Variants in IL36A observed in about 807,000 individuals in gnomAD.
IL36A encodes interleukin-36 alpha.
Under a neutral mutation model 12.7 loss-of-function variants are expected in IL36A, and 13 were observed. The ratio of observed to expected loss-of-function variants is 1.02; its 90% CI spans 0.67 to 1.63. The LOEUF (loss-of-function observed/expected upper bound fraction) is 1.63, where lower values mean the gene tolerates loss of function less well. Among genes scored for constraint, IL36A ranks in the 40% most tolerant of loss-of-function variants. The pLI, the probability that IL36A is intolerant of heterozygous loss-of-function variation, is 0.00. For missense variants in IL36A, 195 were observed against 192.9 expected (o/e 1.01, Z -0.07); for synonymous variants, 73 against 71.9 (o/e 1.01, Z -0.08).
At position 113,005,886 on chromosome 2, in the gene IL36A, A is replaced by C. The variant is rs2305152; in HGVS notation, c.10+5A>C. The C allele has an allele frequency of 0.33, 531,608 of 1,613,168 alleles. 92,918 individuals carry two copies. Among genetic ancestry groups the C allele is most frequent in the Admixed American group, 0.48 (28,907 of 59,990 alleles). On this transcript the variant is annotated splice_donor_5th_base_variant and intron_variant, in intron 1 of 3. Transcript: ENST00000259211. ...ACACCACCACAATGGAAAAAGGTAA[A>C]GATCCTCGTGGAAGGGCGAAAAATT...
Position 113,006,748 on chromosome 2 carries a change from A to T in IL36A, c.264+11A>T, listed in dbSNP as rs1573354699. The stretch of plus-strand genomic sequence containing the variant: ...ACACTGCAGCTGAAGGTGAGTGTGG[A>T]AGACAGGTCCTGCCATTTATTTGAT... On this transcript the variant is annotated intron_variant, in intron 3 of 3. Coordinates refer to ENST00000259211, the MANE Select transcript of IL36A (RefSeq NM_014440.3). 6.2e-7 allele frequency: 1 copy of T among 1,613,192 alleles called. No homozygotes were observed. The highest frequency in any genetic ancestry group is 8.5e-7 in the Non-Finnish European group (1 of 1,179,644).
chr2:113,010,454 G>T (rs1025358531), downstream of IL36A, among the ~76,000 whole-genome samples: 1 of 152,162 alleles, frequency 6.6e-6, no homozygotes, highest in Non-Finnish European at 1.5e-5. Flanking sequence ...AGAGTGAAAG[G>T]GGTCTATGAA....
chr2:113,009,660 T>TGGG (rs552749185), downstream of IL36A, among the ~76,000 whole-genome samples: 17 of 152,328 alleles, frequency 1.1e-4, no homozygotes, highest in South Asian at 3.3e-3. Context: ...GTAAGATTGT[T>TGGG]GGGGAGGGTG....
rs1278725205 is a variant in IL36A at position 113,008,016 on chromosome 2, C to G, written c.449C>G (p.Thr150Ser). 6 of 1,614,186 alleles carry G rather than the reference C, an allele frequency of 3.7e-6. No homozygotes were observed. The highest frequency in any genetic ancestry group is 5.1e-6 in the Non-Finnish European group (6 of 1,180,012). ...LTQELGKANT[T>S]DFGLTMLF Reference sequence around the variant, plus strand: ...CAAGAACTGGGGAAAGCCAACACTACTGACTTTGGGTTAACTATGCTGTTT... The same window carrying G: ...CAAGAACTGGGGAAAGCCAACACTAGTGACTTTGGGTTAACTATGCTGTTT... The change falls in exon 4 of 4, where the codon ACT becomes AGT. Residue 150 changes from threonine to serine, a missense_variant. Thr to Ser is a moderately conservative substitution (Grantham distance 58). Transcript: ENST00000259211.
downstream of IL36A, among the ~76,000 whole-genome samples, chr2:113,009,557 T>C (rs561702519): frequency 6.6e-6 from 1 of 152,288 alleles, no homozygotes; most frequent in African/African-American, 2.4e-5. Flanking sequence ...TAGTGGAATA[T>C]TGTGGTTATA....
chr2:113,005,808 C>T lies in IL36A; in HGVS notation c.-64C>T. On this transcript the variant is annotated 5_prime_UTR_variant, in exon 1 of 4. Coordinates refer to ENST00000259211, the MANE Select transcript of IL36A (RefSeq NM_014440.3). Reference sequence around the variant, plus strand: ...GGCTTGGGACTGACTCAGGTCCTCTCTTGGGGTCGGTCTGCACATAAAAGG... The same window carrying T: ...GGCTTGGGACTGACTCAGGTCCTCTTTTGGGGTCGGTCTGCACATAAAAGG... 1 of 1,595,980 alleles carries T rather than the reference C, an allele frequency of 6.3e-7. No homozygotes were observed. Among genetic ancestry groups the T allele is most frequent in the African/African-American group, 1.3e-5 (1 of 74,682 alleles).
chr2:113,010,000 AAGACTTCTTTTT>A (rs1684704363), downstream of IL36A, among the ~76,000 whole-genome samples: 1 of 151,628 alleles, frequency 6.6e-6, no homozygotes. Context: ...TCTTATTTTG[AAGACTTCTTTTT>A]AATCCTCTCT....
intron 2 of IL36A, 83 bp from the exon 3 acceptor site, chr2:113,006,515 T>A (rs1350482902): frequency 8.0e-6 from 12 of 1,490,848 alleles, no homozygotes; most frequent in Non-Finnish European, 1.1e-5. Flanking sequence ...GAGTGTCAGT[T>A]AGCAGATTCC....
At chr2:113,010,826 C>T (rs1684714791), downstream of IL36A, among the ~76,000 whole-genome samples, 1 of 152,146 alleles carries the variant, frequency 6.6e-6, no homozygotes, top group Non-Finnish European at 1.5e-5. Context: ...CTAGAACTTA[C>T]TTCTCTTGCT....
chr2:113,006,735 A>G lies in IL36A; in HGVS notation c.262A>G (p.Lys88Glu). ...KVGDQPTLQL[K>E]EKDIMDLYNQ... is the part of the protein sequence containing the mutation. ...CGGGGACCAGCCCACACTGCAGCTGAAGGTGAGTGTGGAAGACAGGTCCTG... is the reference window on the plus strand; with the variant it reads ...CGGGGACCAGCCCACACTGCAGCTGGAGGTGAGTGTGGAAGACAGGTCCTG... Residue 88 changes from lysine to glutamate, a missense_variant and splice_region_variant, in exon 3 of 4, where the codon AAG becomes GAG. By Grantham distance (56) the Lys-to-Glu change is moderately conservative. Coordinates refer to ENST00000259211, the MANE Select transcript of IL36A (RefSeq NM_014440.3). 6.2e-7 allele frequency: 1 copy of G among 1,613,834 alleles called. No homozygotes were observed. The highest frequency in any genetic ancestry group is 1.1e-5 in the South Asian group (1 of 90,948).
At position 113,008,007 on chromosome 2, in the gene IL36A, C is replaced by G; in HGVS notation, c.440C>G (p.Ala147Gly). The G allele has an allele frequency of 6.2e-7, 1 of 1,614,190 alleles. No individual in the cohort carries two copies. Among genetic ancestry groups the G allele is most frequent in the Non-Finnish European group, 8.5e-7 (1 of 1,180,030 alleles). The change falls in exon 4 of 4, where the codon GCC becomes GGC. Residue 147 changes from alanine to glycine, a missense_variant. Physicochemically the swap from Ala to Gly is moderately conservative, Grantham distance 60 (BLOSUM62 0). Transcript: ENST00000259211. ...ATCCTTACCCAAGAACTGGGGAAAG[C>G]CAACACTACTGACTTTGGGTTAACT... ...PLILTQELGK[A>G]NTTDFGLTML...
downstream of IL36A, among the ~76,000 whole-genome samples, chr2:113,009,189 A>G (rs932592986): frequency 1.3e-5 from 2 of 151,654 alleles, no homozygotes; most frequent in African/African-American, 4.8e-5. Context: ...CATGATGTAT[A>G]TGTGGCACAT....
intron 3 of IL36A, 35 bp from the exon 4 acceptor site, chr2:113,007,797 A>G (rs750541973): frequency 6.6e-7 from 1 of 1,511,416 alleles, no homozygotes; most frequent in Non-Finnish European, 9.2e-7. Flanking sequence ...TCAAACAGTT[A>G]TGTTTCTTGC....
rs758633911 is a variant in IL36A, at chr2:113,006,621, C to T, written c.148C>T (p.Arg50Ter). ...SPVTIALISC[R>*]HVETLEKDRG... Reference sequence around the variant, plus strand: ...AGTCACTATTGCCTTAATCTCATGCCGACATGTGGAGACCCTTGAGAAAGA... The same window carrying T: ...AGTCACTATTGCCTTAATCTCATGCTGACATGTGGAGACCCTTGAGAAAGA... Residue 50 changes from arginine (R) to a stop codon, truncating the protein, a stop_gained, in exon 3 of 4, where the codon CGA becomes TGA. Transcript: ENST00000259211. LOFTEE classifies it high-confidence loss of function. The T allele has an allele frequency of 1.4e-5, 22 of 1,613,852 alleles. No homozygotes were observed. The South Asian group carries it at 1.4e-4, about 10-fold the overall frequency.
chr2:113,011,043 G>A (rs1867828), downstream of IL36A, among the ~76,000 whole-genome samples: 40,225 of 152,002 alleles, frequency 0.26, 5,774 homozygotes, highest in East Asian at 0.56. Context: ...TGTCCCAAAT[G>A]GCTGGATTTT....
chr2:113,008,927 G>T (rs373587205), downstream of IL36A, among the ~76,000 whole-genome samples: 12 of 150,346 alleles, frequency 8.0e-5, no homozygotes, highest in East Asian at 2.3e-3. Flanking sequence ...CCATTAACTC[G>T]TCATTTAGCA....
chr2:113,005,591 C>T lies in IL36A; in HGVS notation c.-281C>T. The T allele has an allele frequency of 1.8e-6, 1 of 551,868 alleles. No individual in the cohort carries two copies. Among genetic ancestry groups the T allele is most frequent in the Non-Finnish European group, 3.3e-6 (1 of 307,626 alleles). The allele number at this position is 551,868 out of a possible 1,614,324, so 34.2% of individuals were successfully genotyped here. ...TTTTTTTTGCTTCCAGGTCTTTGGC[C>T]TTGGCACTCTTTGTCATATTAGAGT... is the stretch of plus-strand genomic sequence containing the variant. On this transcript the variant is annotated 5_prime_UTR_variant, in exon 1 of 4. Transcript: ENST00000259211.
rs1684600945 is a variant in IL36A, at chr2:113,005,775, T to A, written c.-97T>A. 2.2e-6 allele frequency: 3 copies of A among 1,383,564 alleles called. No individual in the cohort carries two copies. The African/African-American group carries it at 4.2e-5, about 20-fold the overall frequency. 85.7% of individuals were successfully genotyped at this position (1,383,564 alleles called of 1,614,324 possible). A position where few individuals can be genotyped will look rare whatever the true frequency, so the allele number is the denominator to read the frequency against. ...GCCAGTCTTTCATCTGACCCAGGGT[T>A]AAACTGTGGCTTGGGACTGACTCAG... On this transcript the variant is annotated 5_prime_UTR_variant, in exon 1 of 4. Transcript: ENST00000259211.
chr2:113,008,210 T>C (rs1294170870), downstream of IL36A, among the ~76,000 whole-genome samples: 1 of 152,168 alleles, frequency 6.6e-6, no homozygotes, highest in Non-Finnish European at 1.5e-5. Context: ...TCCCTCTCCC[T>C]GGGGCCATGT....
Sources: gnomAD v4.1 joint callset for allele counts (sites outside exome capture counted in the v4.1 genomes callset) on GRCh38, gnomAD v4.1.1 for gene constraint, MANE v1.5 for transcripts, NCBI Gene and HGNC (gene_info 2026-07-23, HGNC 2026-07-21) for gene names.